ARMC7: variants seen among roughly 807,000 people sequenced by gnomAD.
ARMC7 encodes armadillo repeat-containing protein 7.
In ARMC7, 9 loss-of-function variants were observed where a neutral mutation model predicts 14.8. The ratio of observed to expected loss-of-function variants is 0.61; its 90% CI spans 0.37 to 1.06. ARMC7 has a LOEUF of 1.06. Ranked by LOEUF, ARMC7 falls within the 50% of genes least tolerant of loss-of-function variation. The pLI is 0.01. For synonymous variants in ARMC7, 125 were observed against 123.4 expected (o/e 1.01, Z -0.09); for missense variants, 262 against 267.1 (o/e 0.98, Z 0.13).
Position 75,128,936 on chromosome 17 carries a change from G to C in ARMC7, c.495G>C (p.Glu165Asp). ...RLRNLAQIFL[E>D]DFCSPRQVAE... ...GGAACCTGGCACAGATCTTCCTGGA[G>C]GACTTCTGCTCCCCCCGCCAGGTGG... The change falls in exon 3 of 3, where the codon GAG becomes GAC. Residue 165 changes from glutamate to aspartate, a missense_variant. Glu to Asp is a conservative substitution (Grantham distance 45). Coordinates refer to ENST00000245543, the MANE Select transcript of ARMC7 (RefSeq NM_024585.4). The C allele has an allele frequency of 6.2e-7, 1 of 1,607,642 alleles. No homozygotes were observed. Among genetic ancestry groups the C allele is most frequent in the African/African-American group, 1.3e-5 (1 of 75,034 alleles).
intron 2 of ARMC7, among the ~76,000 whole-genome samples, chr17:75,127,752 G>A (rs1434741887): frequency 2.0e-5 from 3 of 152,154 alleles, no homozygotes. Context: ...GTACCATCAT[G>A]CCTGGCTAAT....
At position 75,123,828 on chromosome 17, in the gene ARMC7, T is replaced by C. The variant is rs146853180; in HGVS notation, c.236-4849T>C. 4.7e-3 allele frequency among the ~76,000 whole-genome samples: 708 copies of C among 152,084 alleles called. 45 individuals carry two copies. In the East Asian group the frequency reaches 0.12, roughly 26 times the overall value. ...TGGGAGGCTGAGGCAGGAGAATTGC[T>C]TGAACCCGGGAGGCGGAGGTTGCAG... On this transcript the variant is annotated intron_variant, in intron 2 of 2. Coordinates refer to ENST00000245543, the MANE Select transcript of ARMC7 (RefSeq NM_024585.4).
At chr17:75,123,135 T>C (rs1056583126) in intron 2 of ARMC7, among the ~76,000 whole-genome samples, 6 of 150,806 alleles carry the variant, frequency 4.0e-5, no homozygotes, top group Non-Finnish European at 5.9e-5. Flanking sequence ...ACCTCCTGAG[T>C]TCAAGCAATT....
intron 2 of ARMC7, among the ~76,000 whole-genome samples, chr17:75,121,822 C>G (rs1381097004): frequency 6.6e-6 from 1 of 151,962 alleles, no homozygotes; most frequent in Admixed American, 6.6e-5. Flanking sequence ...ATGTTTTGGC[C>G]CTTTTGCAAA....
At position 75,129,341 on chromosome 17, in the gene ARMC7, A is replaced by G; in HGVS notation, c.*303A>G. ...GTGTAAGAAGCGGCCAAGTGCCTGG[A>G]CCCAGAGGCTTTGCAGGACAGTGTT... On this transcript the variant is annotated 3_prime_UTR_variant, in exon 3 of 3. Transcript: ENST00000245543. The G allele has an allele frequency of 2.1e-6, 1 of 466,414 alleles. No individual in the cohort carries two copies. Among genetic ancestry groups the G allele is most frequent in the Non-Finnish European group, 3.8e-6 (1 of 260,830 alleles). 28.9% of individuals were successfully genotyped at this position (466,414 alleles called of 1,614,324 possible). A position where few individuals can be genotyped will look rare whatever the true frequency, so the allele number is the denominator to read the frequency against.
intron 2 of ARMC7, among the ~76,000 whole-genome samples, chr17:75,119,906 CGTTTT>C (rs2074001551): frequency 6.6e-6 from 1 of 151,364 alleles, no homozygotes; most frequent in Middle Eastern, 3.2e-3. Flanking sequence ...AGCATCACCT[CGTTTT>C]GTTTTGTTTT....
Position 75,110,302 on chromosome 17 carries a change from C to A in ARMC7, c.14C>A (p.Pro5Gln). 6.2e-7 allele frequency: 1 copy of A among 1,612,394 alleles called. No individual in the cohort carries two copies. Among genetic ancestry groups the A allele is most frequent in the Non-Finnish European group, 8.5e-7 (1 of 1,179,942 alleles). The change falls in exon 1 of 3, where the codon CCG becomes CAG. Residue 5 changes from proline (P) to glutamine (Q), a missense_variant. Physicochemically the swap from Pro to Gln is moderately conservative, Grantham distance 76 (BLOSUM62 -1). Coordinates refer to ENST00000245543, the MANE Select transcript of ARMC7 (RefSeq NM_024585.4). Reference sequence around the variant, plus strand: ...GTCACCGCGGCCATGGCCCAGAAGCCGAAGGTGGACCCCCACGTCGGGCGG... The same window carrying A: ...GTCACCGCGGCCATGGCCCAGAAGCAGAAGGTGGACCCCCACGTCGGGCGG... Reference protein sequence around the residue: MAQKPKVDPHVGRLG... With the variant: MAQKQKVDPHVGRLG...
In ARMC7 at chr17:75,110,130, C is replaced by G; in HGVS notation, c.-159C>G. 1 of 672,016 alleles carries G rather than the reference C, an allele frequency of 1.5e-6. No individual in the cohort carries two copies. The highest frequency in any genetic ancestry group is 2.5e-6 in the Non-Finnish European group (1 of 403,502). 41.6% of individuals were successfully genotyped at this position (672,016 alleles called of 1,614,324 possible). ...ATCTCCCATATCCCATTTCCAGCTGCAAATTACTGCAGAATCTGAACCCAG... is the reference window on the plus strand; with the variant it reads ...ATCTCCCATATCCCATTTCCAGCTGGAAATTACTGCAGAATCTGAACCCAG... On this transcript the variant is annotated 5_prime_UTR_variant, in exon 1 of 3. Coordinates refer to ENST00000245543, the MANE Select transcript of ARMC7 (RefSeq NM_024585.4).
At chr17:75,118,235 G>A (rs994523216) in intron 2 of ARMC7, among the ~76,000 whole-genome samples, 23 of 151,880 alleles carry the variant, frequency 1.5e-4, no homozygotes, top group African/African-American at 4.1e-4. Context: ...CTTGCTTATC[G>A]AGTTGCTCAC....
Position 75,129,172 on chromosome 17 carries a change from G to C in ARMC7, c.*134G>C. The stretch of plus-strand genomic sequence containing the variant: ...TCTGAAAGGCGGGTTCTTTCAGCAG[G>C]ACAGGCATTTACACTGATGAAACGC... On this transcript the variant is annotated 3_prime_UTR_variant, in exon 3 of 3. Transcript: ENST00000245543. 1 of 1,288,990 alleles carries C rather than the reference G, an allele frequency of 7.8e-7. No homozygotes were observed. 79.8% of individuals were successfully genotyped at this position (1,288,990 alleles called of 1,614,324 possible).
chr17:75,110,218 C>G lies in ARMC7; in HGVS notation c.-71C>G. On this transcript the variant is annotated 5_prime_UTR_variant, in exon 1 of 3. Coordinates refer to ENST00000245543, the MANE Select transcript of ARMC7 (RefSeq NM_024585.4). ...AGACAGGTGGAGAGCGGGTGAGGGT[C>G]TCGCTCGGCTTTCCCCCTGCACCTT... The G allele has an allele frequency of 7.0e-7, 1 of 1,426,912 alleles. No homozygotes were observed. The allele number at this position is 1,426,912 out of a possible 1,614,324, so 88.4% of individuals were successfully genotyped here.
intron 2 of ARMC7, among the ~76,000 whole-genome samples, chr17:75,121,379 A>G (rs1037589028): frequency 1.3e-5 from 2 of 152,094 alleles, no homozygotes; most frequent in African/African-American, 2.4e-5. Flanking sequence ...GTTATGCTAT[A>G]TGCTCCACTT....
chr17:75,115,968 G>T (rs1247334688), intron 2 of ARMC7, among the ~76,000 whole-genome samples: 1 of 152,172 alleles, frequency 6.6e-6, no homozygotes, highest in Non-Finnish European at 1.5e-5. Flanking sequence ...AGGGTGAGCT[G>T]TCGCCCCTTG....
At position 75,128,731 on chromosome 17, in the gene ARMC7, C is replaced by T; in HGVS notation, c.290C>T (p.Ala97Val). ...GCCAACAAGGAGCACATCCTGCACG[C>T]AGGAGGTGTCCCACTCATCATCAAC... is the stretch of plus-strand genomic sequence containing the variant. ...DRANKEHILH[A>V]GGVPLIINCL... is the part of the protein sequence containing the mutation. Residue 97 changes from alanine to valine, a missense_variant, in exon 3 of 3, where the codon GCA becomes GTA. Coordinates refer to ENST00000245543, the MANE Select transcript of ARMC7 (RefSeq NM_024585.4). 2 of 1,613,648 alleles carry T rather than the reference C, an allele frequency of 1.2e-6. No homozygotes were observed. Among genetic ancestry groups the T allele is most frequent in the Non-Finnish European group, 1.7e-6 (2 of 1,180,018 alleles).
At chr17:75,113,007 TTTTTA>T (rs71159435) in intron 2 of ARMC7, among the ~76,000 whole-genome samples, 11,206 of 149,092 alleles carry the variant, frequency 0.075, 1,416 homozygotes, top group African/African-American at 0.26. Context: ...AATAACACAT[TTTTTA>T]TTTTATTTTA....
chr17:75,113,146 C>T (rs2073942260), intron 2 of ARMC7, among the ~76,000 whole-genome samples: 1 of 151,570 alleles, frequency 6.6e-6, no homozygotes, highest in East Asian at 1.9e-4. Flanking sequence ...CTGCTTCAGC[C>T]TCCCGGGTAT....
At chr17:75,110,668 A>G in intron 2 of ARMC7, 62 bp downstream of exon 2, 1 of 1,596,756 alleles carries the variant, frequency 6.3e-7, no homozygotes, top group Non-Finnish European at 8.6e-7. Context: ...GTGAATTAGA[A>G]GTGAGTCCTT....
At chr17:75,128,054 A>G (rs762372833) in intron 2 of ARMC7, among the ~76,000 whole-genome samples, 2 of 151,978 alleles carry the variant, frequency 1.3e-5, no homozygotes, top group African/African-American at 4.8e-5. Context: ...GTGATGATAC[A>G]TTACAGGGTT....
intron 2 of ARMC7, among the ~76,000 whole-genome samples, chr17:75,119,476 T>C: frequency 7.8e-6 from 1 of 128,038 alleles, no homozygotes; most frequent in Non-Finnish European, 1.6e-5. Flanking sequence ...TGAGACGGAG[T>C]TTCGCTCTGT....
Sources: gnomAD v4.1 joint callset for allele counts (sites outside exome capture counted in the v4.1 genomes callset) on GRCh38, gnomAD v4.1.1 for gene constraint, MANE v1.5 for transcripts, NCBI Gene and HGNC (gene_info 2026-07-23, HGNC 2026-07-21) for gene names.